SURF4: variants seen among roughly 807,000 people sequenced by gnomAD.
The protein encoded by SURF4 is surfeit 4, also known as surfeit locus protein 4.
Under a neutral mutation model 30.0 loss-of-function variants are expected in SURF4, and 3 were observed. The observed-to-expected ratio is 0.10, with a 90% CI of 0.05 to 0.26. SURF4 has a LOEUF of 0.26. SURF4 is among the 10% of genes least tolerant of loss of function. SURF4 has a pLI of 1.00. For missense variants in SURF4, 217 were observed against 350.8 expected (o/e 0.62, Z 3.05); for synonymous variants, 143 against 139.9 (o/e 1.02, Z -0.16).
rs980811497 is a variant in SURF4 at position 133,363,240 on chromosome 9, C to A, written c.*253G>T. ...CCAAGCGGGCTGTTCACTCCAAAGC[C>A]TCGGCGTGGGGGAGGCTTCCAGCTG... On this transcript the variant is annotated 3_prime_UTR_variant, in exon 6 of 6. Transcript: ENST00000371989. This position sits in a 1 kb window ranked among gnomAD's most constrained non-coding sequence, Gnocchi z 4.3. 7.4e-6 allele frequency: 5 copies of A among 678,280 alleles called. No individual in the cohort carries two copies. Among genetic ancestry groups the A allele is most frequent in the African/African-American group, 7.2e-5 (4 of 55,652 alleles). The allele number at this position is 678,280 out of a possible 1,614,324, so 42.0% of individuals were successfully genotyped here. A position where few individuals can be genotyped will look rare whatever the true frequency, so the allele number is the denominator to read the frequency against.
At chr9:133,375,216 T>A (rs1204215878) in intron 1 of SURF4, 1 of 985,340 alleles carries the variant, frequency 1.0e-6, no homozygotes. Flanking sequence ...TTTCAAAGGC[T>A]TCCCTGTTGC....
rs191721403 is a variant in SURF4, at chr9:133,371,374, C to A, written c.49-3929G>T. 3.3e-3 allele frequency among the ~76,000 whole-genome samples: 508 copies of A among 152,158 alleles called. 1 individual carries two copies. Among genetic ancestry groups the A allele is most frequent in the Admixed American group, 8.1e-3 (123 of 15,130 alleles). On this transcript the variant is annotated intron_variant, in intron 1 of 5. Coordinates refer to ENST00000371989, the MANE Select transcript of SURF4 (RefSeq NM_033161.4). ...CTGGCTCACTGCAGCTCCAGAACTT[C>A]CCCGAGCCCCGCTCCCATGCTGCTC...
chr9:133,375,213 G>A (rs1355123598), intron 1 of SURF4: 7 of 985,318 alleles, frequency 7.1e-6, no homozygotes, highest in South Asian at 4.7e-5. Flanking sequence ...CTGTTTCAAA[G>A]GCTTCCCTGT....
At chr9:133,370,144 G>A (rs2130176941) in intron 1 of SURF4, among the ~76,000 whole-genome samples, 3 of 152,194 alleles carry the variant, frequency 2.0e-5, no homozygotes, top group Non-Finnish European at 2.9e-5. Context: ...GCTCATCTAC[G>A]TGCACAGCCC....
chr9:133,371,237 GA>G, intron 1 of SURF4: 1 of 615,888 alleles, frequency 1.6e-6, no homozygotes, highest in Non-Finnish European at 2.0e-6. Flanking sequence ...GATCACCAAG[GA>G]CTGGGGCTGC....
chr9:133,374,760 C>T (rs1046805123), intron 1 of SURF4, among the ~76,000 whole-genome samples: 1 of 151,832 alleles, frequency 6.6e-6, no homozygotes, highest in African/African-American at 2.4e-5. Flanking sequence ...CCAGGAGGAA[C>T]GGAAGAGTTC....
At chr9:133,365,475 C>T (rs2130117730) in intron 4 of SURF4, among the ~76,000 whole-genome samples, 18 of 152,300 alleles carry the variant, frequency 1.2e-4, no homozygotes, top group African/African-American at 4.1e-4. Flanking sequence ...ACAATTTAGA[C>T]AGGGGGGTCC....
At chr9:133,365,329 T>C (rs1005189489) in intron 4 of SURF4, among the ~76,000 whole-genome samples, 16 of 151,978 alleles carry the variant, frequency 1.1e-4, no homozygotes, top group African/African-American at 2.9e-4. Flanking sequence ...ACCAGCTGGG[T>C]CCCCGTGGTC....
chr9:133,376,316 A>G, upstream of SURF4: 1 of 1,351,530 alleles, frequency 7.4e-7, no homozygotes, highest in Non-Finnish European at 9.5e-7. Flanking sequence ...CGTCCCTTTT[A>G]AGGGGGCGGG....
chr9:133,363,257 T>C lies in SURF4; in HGVS notation c.*236A>G. 1 of 725,858 alleles carries C rather than the reference T, an allele frequency of 1.4e-6. No individual in the cohort carries two copies. The highest frequency in any genetic ancestry group is 2.4e-6 in the Non-Finnish European group (1 of 416,648). The allele number at this position is 725,858 out of a possible 1,614,324, so 45.0% of individuals were successfully genotyped here. A position where few individuals can be genotyped will look rare whatever the true frequency, so the allele number is the denominator to read the frequency against. ...TCCAAAGCCTCGGCGTGGGGGAGGC[T>C]TCCAGCTGCCAGGCTGGCCTGCACT... On this transcript the variant is annotated 3_prime_UTR_variant, in exon 6 of 6. Transcript: ENST00000371989. This position sits in a 1 kb window ranked among gnomAD's most constrained non-coding sequence, Gnocchi z 4.3.
intron 1 of SURF4, 34 bp downstream of exon 1, chr9:133,375,888 G>A (rs1268014965): frequency 2.5e-6 from 3 of 1,220,500 alleles, no homozygotes; most frequent in Non-Finnish European, 2.0e-6. Context: ...CCTGGGTCGG[G>A]ACCGGGGCCG....
Position 133,363,714 on chromosome 9 carries a change from T to G in SURF4, c.589A>C (p.Ile197Leu). 6.2e-7 allele frequency: 1 copy of G among 1,614,216 alleles called. No individual in the cohort carries two copies. Among genetic ancestry groups the G allele is most frequent in the Non-Finnish European group, 8.5e-7 (1 of 1,180,044 alleles). ...GCAGCCAGCTTGGTTTTAAAACCAA[T>G]GGCCACTAAAATCATCAGAGCTGTG... ...VGTALMILVA[I>L]GFKTKLAALT... The change falls in exon 6 of 6, where the codon ATT becomes CTT. Residue 197 changes from isoleucine to leucine, a missense_variant. Transcript: ENST00000371989. This position sits in a 1 kb window ranked among gnomAD's most constrained non-coding sequence, Gnocchi z 4.3.
chr9:133,363,961 G>T lies in SURF4; in HGVS notation c.544-202C>A, dbSNP rs1837001558. On this transcript the variant is annotated intron_variant, in intron 5 of 5. Coordinates refer to ENST00000371989, the MANE Select transcript of SURF4 (RefSeq NM_033161.4). This position sits in a 1 kb window ranked among gnomAD's most constrained non-coding sequence, Gnocchi z 4.3. Reference sequence around the variant, plus strand: ...AATAAAGCACCAGCTTTGAAATGTGGAAGGTTTGGGGAAGACTGAAGTTCC... The same window carrying T: ...AATAAAGCACCAGCTTTGAAATGTGTAAGGTTTGGGGAAGACTGAAGTTCC... The T allele has an allele frequency of 4.1e-6, 3 of 737,878 alleles. No homozygotes were observed. The highest frequency in any genetic ancestry group is 7.4e-6 in the Non-Finnish European group (3 of 405,712). The allele number at this position is 737,878 out of a possible 1,614,324, so 45.7% of individuals were successfully genotyped here. A position where few individuals can be genotyped will look rare whatever the true frequency, so the allele number is the denominator to read the frequency against.
At chr9:133,374,767 G>C (rs1837764419) in intron 1 of SURF4, among the ~76,000 whole-genome samples, 1 of 152,046 alleles carries the variant, frequency 6.6e-6, no homozygotes. Flanking sequence ...GAACGGAAGA[G>C]TTCAATAGCT....
chr9:133,365,189 G>T (rs1464664870), intron 4 of SURF4, among the ~76,000 whole-genome samples, 163 bp from the exon 5 acceptor site: 1 of 152,058 alleles, frequency 6.6e-6, no homozygotes, highest in African/African-American at 2.4e-5. Context: ...ATGCGCACAG[G>T]ACCTCAGACT....
At position 133,363,021 on chromosome 9, in the gene SURF4, A is replaced by G. The variant is rs1238409041; in HGVS notation, c.*472T>C. 3.8e-6 allele frequency: 1 copy of G among 264,798 alleles called. No individual in the cohort carries two copies. The highest frequency in any genetic ancestry group is 9.9e-5 in the East Asian group (1 of 10,056). 16.4% of individuals were successfully genotyped at this position (264,798 alleles called of 1,614,324 possible). A position where few individuals can be genotyped will look rare whatever the true frequency, so the allele number is the denominator to read the frequency against. ...AAAGCCACTGGTGTGATTTTAAACC[A>G]GGGAGATTAACTGTTTTGAGGTTTG... On this transcript the variant is annotated 3_prime_UTR_variant, in exon 6 of 6. Coordinates refer to ENST00000371989, the MANE Select transcript of SURF4 (RefSeq NM_033161.4). The surrounding 1 kb of genome is among the most constrained non-coding windows in gnomAD (Gnocchi z 4.3).
upstream of SURF4, chr9:133,376,437 G>C: frequency 6.5e-7 from 1 of 1,542,440 alleles, no homozygotes; most frequent in Non-Finnish European, 8.7e-7. Flanking sequence ...GGTGGGGCCA[G>C]GGGTGGACGC....
At chr9:133,375,316 C>A in intron 1 of SURF4, 1 of 985,416 alleles carries the variant, frequency 1.0e-6, no homozygotes, top group Non-Finnish European at 1.2e-6. Flanking sequence ...CCCACTCAAT[C>A]CAGCCCAGGG....
intron 1 of SURF4, among the ~76,000 whole-genome samples, chr9:133,368,799 G>A (rs982434416): frequency 6.6e-6 from 1 of 152,130 alleles, no homozygotes; most frequent in Admixed American, 6.5e-5. Context: ...GATATAAAGT[G>A]AAAGAAATAC....
Sources: gnomAD v4.1 joint callset for allele counts (sites outside exome capture counted in the v4.1 genomes callset) on GRCh38, gnomAD v4.1.1 for gene constraint, Gnocchi (gnomAD v3.1) non-coding constraint, MANE v1.5 for transcripts, NCBI Gene and HGNC (gene_info 2026-07-23, HGNC 2026-07-21) for gene names.